FBLN2: variants seen among roughly 807,000 people sequenced by gnomAD.
FBLN2 encodes fibulin 2.
A neutral mutation model predicts 123.7 loss-of-function variants in FBLN2; 81 were observed. That is an observed-to-expected ratio of 0.65 (90% CI 0.55 to 0.79). The LOEUF is 0.79. FBLN2 is among the 30% of genes least tolerant of loss of function. The pLI is 0.00. For missense variants in FBLN2, 1,603 were observed against 1,681.3 expected (o/e 0.95, Z 0.81); for synonymous variants, 699 against 701.4 (o/e 1.00, Z 0.05).
intron 1 of FBLN2, among the ~76,000 whole-genome samples, chr3:13,568,327 A>C (rs915606311): frequency 1.3e-5 from 2 of 152,164 alleles, no homozygotes; most frequent in Non-Finnish European, 2.9e-5. Context: ...CCTATCCATC[A>C]GCAAATCCTG....
chr3:13,581,294 T>C (rs1004026933), intron 2 of FBLN2, among the ~76,000 whole-genome samples: 1 of 151,936 alleles, frequency 6.6e-6, no homozygotes, highest in African/African-American at 2.4e-5. Flanking sequence ...AGTCCGGTAG[T>C]GGTTGGGCAC....
At chr3:13,565,206 C>T (rs1559399569) in intron 1 of FBLN2, among the ~76,000 whole-genome samples, 2 of 152,212 alleles carry the variant, frequency 1.3e-5, no homozygotes, top group Admixed American at 6.5e-5. Context: ...AACCCTGCTG[C>T]CACTTTAGAA....
chr3:13,600,524 A>T (rs541288409), intron 2 of FBLN2, among the ~76,000 whole-genome samples: 1 of 152,010 alleles, frequency 6.6e-6, no homozygotes, highest in South Asian at 2.1e-4. Context: ...GCATTAGGTC[A>T]CCTGTGCAAC....
At chr3:13,632,423 C>T (rs368960490) in intron 16 of FBLN2, among the ~76,000 whole-genome samples, 1 of 152,192 alleles carries the variant, frequency 6.6e-6, no homozygotes, top group South Asian at 2.1e-4. Flanking sequence ...ATTTTCTTGG[C>T]CCGCAAAAGC....
chr3:13,587,888 C>T (rs145539484), intron 2 of FBLN2, among the ~76,000 whole-genome samples: 1 of 152,200 alleles, frequency 6.6e-6, no homozygotes, highest in African/African-American at 2.4e-5. Context: ...TTGAGTTGTC[C>T]TGCCTTTCTG....
At chr3:13,550,052 GCTC>G (rs1352904895) in intron 1 of FBLN2, among the ~76,000 whole-genome samples, 1 of 152,192 alleles carries the variant, frequency 6.6e-6, no homozygotes, top group African/African-American at 2.4e-5. Flanking sequence ...ACATGCGTGT[GCTC>G]CTCAAATACC....
intron 2 of FBLN2, among the ~76,000 whole-genome samples, chr3:13,583,089 C>T (rs908481101): frequency 2.6e-5 from 4 of 152,254 alleles, no homozygotes; most frequent in African/African-American, 4.8e-5. Context: ...AGCAAACGCG[C>T]GAGCTGCGAG....
intron 10 of FBLN2, among the ~76,000 whole-genome samples, 167 bp from the exon 11 acceptor site, chr3:13,627,665 C>G (rs1188337283): frequency 1.3e-5 from 2 of 152,242 alleles, no homozygotes; most frequent in African/African-American, 4.8e-5. Context: ...GTTATTACTC[C>G]TGGGACAAAG....
At chr3:13,588,877 T>C (rs1435738196) in intron 2 of FBLN2, among the ~76,000 whole-genome samples, 4 of 152,216 alleles carry the variant, frequency 2.6e-5, no homozygotes, top group Admixed American at 2.0e-4. Context: ...GGCTGGAAAT[T>C]AAGCGAGAAA....
chr3:13,553,440 C>T (rs2125030120), intron 1 of FBLN2, among the ~76,000 whole-genome samples: 1 of 152,280 alleles, frequency 6.6e-6, no homozygotes, highest in East Asian at 1.9e-4. Context: ...GGACGGGAGC[C>T]AGCTCCGTCC....
intron 13 of FBLN2, 116 bp from the exon 14 acceptor site, chr3:13,629,704 T>G: frequency 7.2e-7 from 1 of 1,389,308 alleles, no homozygotes; most frequent in Non-Finnish European, 9.6e-7. Flanking sequence ...CTCCCTGTCT[T>G]TCCTTCTGGG....
intron 2 of FBLN2, among the ~76,000 whole-genome samples, chr3:13,592,287 A>G (rs1479612818): frequency 6.6e-6 from 1 of 150,934 alleles, no homozygotes; most frequent in East Asian, 2.0e-4. Flanking sequence ...CAGCCTCCCA[A>G]TGTGCTGAGA....
At chr3:13,626,633 C>T in intron 10 of FBLN2, 54 bp downstream of exon 10, 3 of 1,484,572 alleles carry the variant, frequency 2.0e-6, no homozygotes, top group South Asian at 2.7e-5. Flanking sequence ...GCCAGTTTTG[C>T]CCCGCCCCTC....
chr3:13,599,815 T>A (rs1368747551), intron 2 of FBLN2, among the ~76,000 whole-genome samples: 2 of 140,904 alleles, frequency 1.4e-5, no homozygotes, highest in Non-Finnish European at 3.0e-5. Flanking sequence ...AAATTCCAGC[T>A]GGGGAAGTGC....
intron 2 of FBLN2, among the ~76,000 whole-genome samples, chr3:13,605,595 T>TC (rs879729852): frequency 6.6e-5 from 10 of 151,854 alleles, no homozygotes; most frequent in East Asian, 1.9e-4. Context: ...TTCCTCATCC[T>TC]CCCCCCCAGT....
In FBLN2 at chr3:13,619,718, G is replaced by T. The variant is rs759579711; in HGVS notation, c.2054-12G>T. The T allele has an allele frequency of 2.2e-5, 36 of 1,611,362 alleles. No individual in the cohort carries two copies. Among genetic ancestry groups the T allele is most frequent in the Non-Finnish European group, 2.9e-5 (34 of 1,178,062 alleles). On this transcript the variant is annotated splice_polypyrimidine_tract_variant and intron_variant, in intron 7 of 17. Coordinates refer to ENST00000404922, the MANE Select transcript of FBLN2 (RefSeq NM_001004019.2). Reference sequence around the variant, plus strand: ...GCCTGGTGGTCTCTGATTTCTGTGTGGTTTCCTCCAGACAATGGACCCTGC... The same window carrying T: ...GCCTGGTGGTCTCTGATTTCTGTGTTGTTTCCTCCAGACAATGGACCCTGC...
intron 1 of FBLN2, among the ~76,000 whole-genome samples, chr3:13,565,601 A>AT (rs958582667): frequency 5.9e-5 from 9 of 152,316 alleles, no homozygotes; most frequent in African/African-American, 2.2e-4. Flanking sequence ...TCTCCTGCCT[A>AT]TTTTTTAATG....
intron 5 of FBLN2, among the ~76,000 whole-genome samples, chr3:13,614,401 G>T (rs549032576): frequency 6.6e-6 from 1 of 152,144 alleles, no homozygotes; most frequent in Non-Finnish European, 1.5e-5. Context: ...CCCTCTCTTT[G>T]TCTATACATC....
In FBLN2 at chr3:13,614,852, TCATCTGTC is replaced by T. The variant is rs536905729; in HGVS notation, c.1729+702_1729+709del. ...TCTACCTACCCATCCATTCATTCAT[TCATCTGTC>T]CATCTGTCCATCTATCCATCTGTCT... On this transcript the variant is annotated intron_variant, in intron 5 of 17. Transcript: ENST00000404922. 5.3e-3 allele frequency among the ~76,000 whole-genome samples: 793 copies of T among 150,058 alleles called. 9 individuals are homozygous for T. Among genetic ancestry groups the T allele is most frequent in the African/African-American group, 0.019 (757 of 40,506 alleles).
Sources: allele counts gnomAD v4.1 joint callset (sites outside exome capture counted in the v4.1 genomes callset), GRCh38; gene constraint gnomAD v4.1.1; transcripts MANE v1.5; gene names NCBI Gene and HGNC (gene_info 2026-07-23, HGNC 2026-07-21).